Variants in PRDM5 observed in about 807,000 individuals in gnomAD.
PRDM5 encodes PR domain zinc finger protein 5.
A neutral mutation model predicts 81.2 loss-of-function variants in PRDM5; 56 were observed. The observed-to-expected ratio is 0.69, with a 90% CI of 0.56 to 0.86. The LOEUF is 0.86. Among genes scored for constraint, PRDM5 ranks in the 40% least tolerant of loss-of-function variants. The pLI is 0.00. For missense variants in PRDM5, 697 were observed against 770.1 expected (o/e 0.91, Z 1.12); for synonymous variants, 267 against 256.4 (o/e 1.04, Z -0.39).
chr4:120,810,199 A>G (rs1366581236), intron 8 of PRDM5, among the ~76,000 whole-genome samples: 1 of 152,192 alleles, frequency 6.6e-6, no homozygotes, highest in East Asian at 1.9e-4. Context: ...GTTGGGAACC[A>G]TTGCTCTATT....
chr4:120,762,083 T>C (rs1412817425), intron 13 of PRDM5, among the ~76,000 whole-genome samples: 1 of 152,132 alleles, frequency 6.6e-6, no homozygotes, highest in African/African-American at 2.4e-5. Flanking sequence ...CCATTTTCAA[T>C]AAGCATTTTA....
chr4:120,781,190 A>C lies in PRDM5; in HGVS notation c.1396T>G (p.Cys466Gly). The change falls in exon 12 of 16, where the codon TGT becomes GGT. Residue 466 changes from cysteine to glycine, a missense_variant. Coordinates refer to ENST00000264808, the MANE Select transcript of PRDM5 (RefSeq NM_018699.4). ...ERHKKYRCELCNKAFVTPSVL... is the reference protein window; with the variant it reads ...ERHKKYRCELGNKAFVTPSVL... ...GAAGGTGTAACAAAGGCCTTATTAC[A>C]TAGCTCACACCTATACTTCTTGTGT... 6.2e-7 allele frequency: 1 copy of C among 1,613,492 alleles called. No homozygotes were observed. The highest frequency in any genetic ancestry group is 1.1e-5 in the South Asian group (1 of 91,072).
intron 2 of PRDM5, among the ~76,000 whole-genome samples, chr4:120,863,514 A>G (rs1332904339): frequency 6.6e-6 from 1 of 152,148 alleles, no homozygotes; most frequent in Non-Finnish European, 1.5e-5. Flanking sequence ...TGCAAATAGG[A>G]GAGGCAGAGG....
At chr4:120,688,700 T>C (rs1379856409), downstream of PRDM5, among the ~76,000 whole-genome samples, 1 of 152,198 alleles carries the variant, frequency 6.6e-6, no homozygotes, top group African/African-American at 2.4e-5. Flanking sequence ...TATCTAGTTT[T>C]CCTAATACCA....
intron 7 of PRDM5, among the ~76,000 whole-genome samples, chr4:120,815,514 T>C (rs546264756): frequency 6.6e-6 from 1 of 152,326 alleles, no homozygotes; most frequent in African/African-American, 2.4e-5. Context: ...AACTGTATTA[T>C]TATTAAAGTG....
At chr4:120,734,255 G>GTT (rs749803235) in intron 14 of PRDM5, among the ~76,000 whole-genome samples, 3 of 144,154 alleles carry the variant, frequency 2.1e-5, no homozygotes, top group African/African-American at 7.5e-5. Flanking sequence ...TTGTTTGTTT[G>GTT]TTTTTTTTTT....
chr4:120,684,711 C>T (rs1395525793), downstream of PRDM5, among the ~76,000 whole-genome samples: 1 of 151,888 alleles, frequency 6.6e-6, no homozygotes, highest in Non-Finnish European at 1.5e-5. Flanking sequence ...TAATATTTCA[C>T]TACTGTTCTT....
At chr4:120,826,269 G>A (rs1755964953) in intron 3 of PRDM5, among the ~76,000 whole-genome samples, 1 of 152,106 alleles carries the variant, frequency 6.6e-6, no homozygotes, top group Non-Finnish European at 1.5e-5. Flanking sequence ...TCCCACCTTA[G>A]TACAACTGCA....
chr4:120,825,450 T>C (rs979356063), intron 3 of PRDM5, among the ~76,000 whole-genome samples: 5 of 152,032 alleles, frequency 3.3e-5, no homozygotes, highest in Middle Eastern at 6.8e-3. Context: ...ATATAAGACA[T>C]CCAGCTCATT....
intron 2 of PRDM5, among the ~76,000 whole-genome samples, chr4:120,873,893 G>A (rs1051075753): frequency 5.9e-5 from 9 of 152,198 alleles, no homozygotes; most frequent in Middle Eastern, 3.4e-3. Flanking sequence ...CTATTAAATA[G>A]CTGTTTTTTT....
intron 10 of PRDM5, among the ~76,000 whole-genome samples, chr4:120,793,301 A>T (rs923063346): frequency 1.3e-5 from 2 of 152,178 alleles, no homozygotes; most frequent in African/African-American, 4.8e-5. Context: ...ATGATCTGTC[A>T]CTGTCTCTCA....
At position 120,922,368 on chromosome 4, in the gene PRDM5, C is replaced by G. The variant is rs570271290; in HGVS notation, c.93+148G>C. The G allele has an allele frequency of 2.0e-5, 22 of 1,078,194 alleles. No individual in the cohort carries two copies. The South Asian group carries it at 9.5e-4, about 47-fold the overall frequency. The allele number at this position is 1,078,194 out of a possible 1,614,324, so 66.8% of individuals were successfully genotyped here. ...CCACCCCCGCCGTGCCCCGCGGTCCCCGGCCTTCCCACGGACGCCTGGCCC... is the reference window on the plus strand; with the variant it reads ...CCACCCCCGCCGTGCCCCGCGGTCCGCGGCCTTCCCACGGACGCCTGGCCC... On this transcript the variant is annotated intron_variant, in intron 1 of 15. Transcript: ENST00000264808.
chr4:120,914,488 T>C (rs1723874464), intron 1 of PRDM5, among the ~76,000 whole-genome samples: 1 of 152,160 alleles, frequency 6.6e-6, no homozygotes, highest in South Asian at 2.1e-4. Flanking sequence ...ATTCTCACAC[T>C]GCTATAAAGA....
intron 2 of PRDM5, among the ~76,000 whole-genome samples, chr4:120,859,079 T>C (rs1760253413): frequency 6.6e-6 from 1 of 152,194 alleles, no homozygotes; most frequent in South Asian, 2.1e-4. Flanking sequence ...CAGTTCTTTA[T>C]ACCAGTGGGT....
At chr4:120,806,862 A>G (rs576625251) in intron 8 of PRDM5, among the ~76,000 whole-genome samples, 38 of 152,338 alleles carry the variant, frequency 2.5e-4, no homozygotes, top group African/African-American at 7.9e-4. Flanking sequence ...ATCTAATTAA[A>G]CTAAAGAGCT....
At position 120,693,601 on chromosome 4, in the gene PRDM5, A is replaced by C. The variant is rs1734228041; in HGVS notation, c.*1510T>G. 6.6e-6 allele frequency: 1 copy of C among 152,122 alleles called. No individual in the cohort carries two copies. The highest frequency in any genetic ancestry group is 1.5e-5 in the Non-Finnish European group (1 of 68,012). 9.4% of individuals were successfully genotyped at this position (152,122 alleles called of 1,614,324 possible). On this transcript the variant is annotated 3_prime_UTR_variant, in exon 16 of 16. Transcript: ENST00000264808. ...CAAATTTAGTATTTTACAACATTCA[A>C]ATGTCTACATTGAATCTTTATGTTT...
chr4:120,837,736 T>G (rs528035738), intron 3 of PRDM5: 3 of 152,360 alleles, frequency 2.0e-5, no homozygotes, highest in South Asian at 2.1e-4. Context: ...AAAAGCCTAG[T>G]TGAGTTTACA....
At chr4:120,802,474 A>G (rs560864760) in intron 8 of PRDM5, among the ~76,000 whole-genome samples, 1 of 152,288 alleles carries the variant, frequency 6.6e-6, no homozygotes, top group Non-Finnish European at 1.5e-5. Flanking sequence ...GCAGACTGAC[A>G]CCCCACATGG....
chr4:120,711,833 T>G (rs1191094126), intron 14 of PRDM5, among the ~76,000 whole-genome samples: 1 of 152,200 alleles, frequency 6.6e-6, no homozygotes, highest in Non-Finnish European at 1.5e-5. Flanking sequence ...ACCATCTTTT[T>G]AGCCCGGATT....
Sources: gnomAD v4.1 joint callset for allele counts (sites outside exome capture counted in the v4.1 genomes callset) on GRCh38, gnomAD v4.1.1 for gene constraint, MANE v1.5 for transcripts, NCBI Gene and HGNC (gene_info 2026-07-23, HGNC 2026-07-21) for gene names.